OVOL2: variants seen among roughly 807,000 people sequenced by gnomAD.
The protein encoded by OVOL2 is transcription factor Ovo-like 2.
A neutral mutation model predicts 18.1 loss-of-function variants in OVOL2; 13 were observed. The observed-to-expected ratio is 0.72, with a 90% CI of 0.47 to 1.14. The LOEUF (loss-of-function observed/expected upper bound fraction) is 1.14, where lower values mean the gene tolerates loss of function less well. OVOL2 is among the 50% of genes most tolerant of loss of function. The pLI, the probability that OVOL2 is intolerant of heterozygous loss-of-function variation, is 0.00. For synonymous variants in OVOL2, 166 were observed against 162.7 expected (o/e 1.02, Z -0.16); for missense variants, 335 against 383.0 (o/e 0.87, Z 1.05).
At chr20:18,047,118 C>T (rs2036729771) in intron 2 of OVOL2, among the ~76,000 whole-genome samples, 1 of 152,192 alleles carries the variant, frequency 6.6e-6, no homozygotes, top group Non-Finnish European at 1.5e-5. Flanking sequence ...CCTTCAATTC[C>T]TGTTCTACCA....
intron 3 of OVOL2, among the ~76,000 whole-genome samples, chr20:18,037,844 T>C (rs2036631315): frequency 6.6e-6 from 1 of 152,216 alleles, no homozygotes; most frequent in African/African-American, 2.4e-5. Flanking sequence ...TCTTCCCTCC[T>C]GACCTCCCCT....
intron 3 of OVOL2, among the ~76,000 whole-genome samples, chr20:18,027,065 T>G (rs910083329): frequency 6.6e-6 from 1 of 151,902 alleles, no homozygotes; most frequent in Non-Finnish European, 1.5e-5. Flanking sequence ...TGTACCCATA[T>G]AAACAAACCT....
Position 18,057,421 on chromosome 20 carries a change from G to T in OVOL2, c.100+114C>A. ...CCTAGAAGACCCCCGCGTGCCCCCC[G>T]GAAGAGGGGGATGAGGTGGGGAGCC... On this transcript the variant is annotated intron_variant, in intron 1 of 3. Coordinates refer to ENST00000278780, the MANE Select transcript of OVOL2 (RefSeq NM_021220.4). The surrounding 1 kb of genome is among the most constrained non-coding windows in gnomAD (Gnocchi z 6.3). 1 of 1,238,520 alleles carries T rather than the reference G, an allele frequency of 8.1e-7. No individual in the cohort carries two copies. Among genetic ancestry groups the T allele is most frequent in the Non-Finnish European group, 1.1e-6 (1 of 896,854 alleles). The allele number at this position is 1,238,520 out of a possible 1,614,324, so 76.7% of individuals were successfully genotyped here.
At chr20:18,052,494 AAGGGG>A (rs2036779392) in intron 2 of OVOL2, among the ~76,000 whole-genome samples, 1 of 152,168 alleles carries the variant, frequency 6.6e-6, no homozygotes, top group Non-Finnish European at 1.5e-5. Flanking sequence ...TGCATGGGGC[AAGGGG>A]TGGGAGTGTG....
At chr20:18,032,431 CAA>C (rs1166722716) in intron 3 of OVOL2, among the ~76,000 whole-genome samples, 1 of 151,984 alleles carries the variant, frequency 6.6e-6, no homozygotes, top group African/African-American at 2.4e-5. Flanking sequence ...CAAATGGAAA[CAA>C]ATGTCATCAA....
At chr20:18,046,600 C>G (rs1404929314) in intron 2 of OVOL2, among the ~76,000 whole-genome samples, 1 of 152,190 alleles carries the variant, frequency 6.6e-6, no homozygotes. Flanking sequence ...TTAACTGGAA[C>G]AGTAATAAAC....
chr20:18,028,028 C>A (rs933031156), intron 3 of OVOL2, among the ~76,000 whole-genome samples: 14 of 152,202 alleles, frequency 9.2e-5, no homozygotes, highest in Admixed American at 8.5e-4. Flanking sequence ...CTGCCACAGC[C>A]ACGAGACCAT....
At chr20:18,034,725 T>G (rs2036600454) in intron 3 of OVOL2, among the ~76,000 whole-genome samples, 1 of 151,908 alleles carries the variant, frequency 6.6e-6, no homozygotes, top group African/African-American at 2.4e-5. Flanking sequence ...GAAGTCCTAA[T>G]CTTTTCTTTC....
In OVOL2 at chr20:18,057,902, G is replaced by C. The variant is rs565184697; in HGVS notation, c.-268C>G. On this transcript the variant is annotated 5_prime_UTR_variant, in exon 1 of 4. Transcript: ENST00000278780. This position sits in a 1 kb window ranked among gnomAD's most constrained non-coding sequence, Gnocchi z 6.3. ...AAGTTTCATAAGGTGGAATAGAAAA[G>C]GCACCAGGAAACTTGGGACTGAGCA... 3.1e-6 allele frequency: 4 copies of C among 1,305,564 alleles called. No homozygotes were observed. Among genetic ancestry groups the C allele is most frequent in the Admixed American group, 8.2e-5 (2 of 24,380 alleles). The allele number at this position is 1,305,564 out of a possible 1,614,324, so 80.9% of individuals were successfully genotyped here. A position where few individuals can be genotyped will look rare whatever the true frequency, so the allele number is the denominator to read the frequency against.
At chr20:18,039,592 A>G (rs1368090191) in intron 3 of OVOL2, among the ~76,000 whole-genome samples, 1 of 139,854 alleles carries the variant, frequency 7.2e-6, no homozygotes, top group Non-Finnish European at 1.6e-5. Flanking sequence ...TGGGTGAGAG[A>G]GCAAGACGCT....
chr20:18,058,291 TTGA>T (rs980477426), upstream of OVOL2, among the ~76,000 whole-genome samples: 2 of 151,882 alleles, frequency 1.3e-5, no homozygotes, highest in Admixed American at 6.6e-5. Context: ...TTCCTGGGGC[TTGA>T]TGAAATCTGG....
At chr20:18,029,809 T>C (rs371654512) in intron 3 of OVOL2, among the ~76,000 whole-genome samples, 1 of 152,144 alleles carries the variant, frequency 6.6e-6, no homozygotes, top group South Asian at 2.1e-4. Context: ...GAGATCCCTG[T>C]CTTTACAAAA....
intron 2 of OVOL2, among the ~76,000 whole-genome samples, chr20:18,044,334 A>G (rs2036704741): frequency 1.3e-5 from 2 of 152,024 alleles, no homozygotes; most frequent in Admixed American, 6.6e-5. Context: ...TCTCAACTCA[A>G]CACTTTGAGG....
At chr20:18,025,795 C>T (rs752255739) in intron 3 of OVOL2, among the ~76,000 whole-genome samples, 3 of 152,314 alleles carry the variant, frequency 2.0e-5, no homozygotes, top group Admixed American at 6.5e-5. Flanking sequence ...CACACCTTGG[C>T]GTCATCCCAC....
At chr20:18,026,998 T>A (rs1456254556) in intron 3 of OVOL2, among the ~76,000 whole-genome samples, 1 of 152,176 alleles carries the variant, frequency 6.6e-6, no homozygotes, top group Non-Finnish European at 1.5e-5. Context: ...CATTGGGTAC[T>A]ACGCGCACTA....
At chr20:18,048,821 G>A (rs2036746783) in intron 2 of OVOL2, among the ~76,000 whole-genome samples, 1 of 152,126 alleles carries the variant, frequency 6.6e-6, no homozygotes, top group Non-Finnish European at 1.5e-5. Flanking sequence ...AATATGTGCA[G>A]ACTTTATCCC....
At chr20:18,028,275 C>A (rs1007018913) in intron 3 of OVOL2, among the ~76,000 whole-genome samples, 1 of 151,968 alleles carries the variant, frequency 6.6e-6, no homozygotes, top group African/African-American at 2.4e-5. Context: ...TTCCCTAGTT[C>A]AAGCAATTCT....
chr20:18,045,831 G>C (rs527973810), intron 2 of OVOL2, among the ~76,000 whole-genome samples: 1 of 152,276 alleles, frequency 6.6e-6, no homozygotes, highest in East Asian at 1.9e-4. Flanking sequence ...AGGGGTTGGA[G>C]ACTGAAGGCA....
At chr20:18,031,102 G>A (rs1450888416) in intron 3 of OVOL2, among the ~76,000 whole-genome samples, 1 of 152,212 alleles carries the variant, frequency 6.6e-6, no homozygotes, top group Non-Finnish European at 1.5e-5. Flanking sequence ...CATGGGAACT[G>A]AAGAGCACCA....
Sources: allele counts gnomAD v4.1 joint callset (sites outside exome capture counted in the v4.1 genomes callset), GRCh38; gene constraint gnomAD v4.1.1; non-coding constraint Gnocchi (gnomAD v3.1); transcripts MANE v1.5; gene names NCBI Gene and HGNC (gene_info 2026-07-23, HGNC 2026-07-21).